MID1: variants seen among roughly 807,000 people sequenced by gnomAD.
MID1 encodes the protein E3 ubiquitin-protein ligase Midline-1.
A neutral mutation model predicts 40.4 loss-of-function variants in MID1; 7 were observed. That is an observed-to-expected ratio of 0.17 (90% CI 0.10 to 0.33). MID1 has a LOEUF of 0.33. Among genes scored for constraint, MID1 ranks in the 10% least tolerant of loss-of-function variants. The pLI is 1.00. For missense variants in MID1, 367 were observed against 558.5 expected (o/e 0.66, Z 3.46); for synonymous variants, 229 against 221.2 (o/e 1.04, Z -0.31).
chrX:10,698,976 C>T (rs781508120), intron 1 of MID1, among the ~76,000 whole-genome samples: 8 of 111,716 alleles, frequency 7.2e-5, no homozygotes, highest in African/African-American at 2.6e-4. Flanking sequence ...CAATGTACTG[C>T]CCCTAGCAGC....
At chrX:10,586,261 T>C (rs1206394754) in intron 1 of MID1, among the ~76,000 whole-genome samples, 1 of 111,608 alleles carries the variant, frequency 9.0e-6, no homozygotes, top group Non-Finnish European at 1.9e-5. Context: ...ACTGTACAAG[T>C]CCAAATTTTA....
intron 3 of MID1, among the ~76,000 whole-genome samples, chrX:10,515,987 C>G (rs906829386): frequency 5.4e-5 from 6 of 111,562 alleles, no homozygotes; most frequent in African/African-American, 2.0e-4. Context: ...TTAAGTTCTA[C>G]AGGTGACCCA....
chrX:10,701,285 T>C (rs1052198488), intron 1 of MID1, among the ~76,000 whole-genome samples: 1 of 111,905 alleles, frequency 8.9e-6, no homozygotes, highest in African/African-American at 3.2e-5. Context: ...ATAGGACCCA[T>C]GAAGATGTGC....
At chrX:10,594,302 G>A (rs1935370901) in intron 1 of MID1, among the ~76,000 whole-genome samples, 1 of 111,520 alleles carries the variant, frequency 9.0e-6, no homozygotes, top group South Asian at 3.8e-4. Context: ...CCTTATTTTT[G>A]TTCGCTTTGT....
Position 10,471,053 on chromosome X carries a change from AGTGT to A in MID1, c.1142-1217_1142-1214del, listed in dbSNP as rs749927365. Among the ~76,000 whole-genome samples, 80 of 111,866 alleles carry A rather than the reference AGTGT, an allele frequency of 7.2e-4. 1 individual carries two copies. Among genetic ancestry groups the A allele is most frequent in the African/African-American group, 2.4e-3 (73 of 30,857 alleles). Reference sequence around the variant, plus strand: ...TGGCCATATGGACTGCAAAGCCTAAAGTGTCTACTATCTGGTGGTTTGCAGTCAA... The same window carrying A: ...TGGCCATATGGACTGCAAAGCCTAAACTACTATCTGGTGGTTTGCAGTCAA... On this transcript the variant is annotated intron_variant, in intron 6 of 9. Coordinates refer to ENST00000317552, the MANE Select transcript of MID1 (RefSeq NM_000381.4).
intron 1 of MID1, among the ~76,000 whole-genome samples, chrX:10,704,554 T>G (rs2043212944): frequency 9.2e-6 from 1 of 108,443 alleles, no homozygotes; most frequent in Admixed American, 1.0e-4. Flanking sequence ...CAAAACTCCA[T>G]CGAGCTGGTA....
intron 1 of MID1, among the ~76,000 whole-genome samples, chrX:10,606,017 A>G (rs778411905): frequency 1.8e-5 from 2 of 111,989 alleles, no homozygotes; most frequent in South Asian, 3.7e-4. Context: ...TGTCAGAGCC[A>G]TAGATAACAG....
chrX:10,765,932 GGAAAGGAAAGGAAAGAAA>G (rs1182951130), intron 1 of MID1, among the ~76,000 whole-genome samples: 68 of 70,833 alleles, frequency 9.6e-4, no homozygotes, highest in African/African-American at 4.1e-3. Context: ...AGAAAGGAAA[GGAAAGGAAAGGAAAGAAA>G]GAAAGAAAGA....
At position 10,590,027 on chromosome X, in the gene MID1, T is replaced by A. The variant is rs7054349; in HGVS notation, c.-56-22424A>T. The A allele has an allele frequency of 2.7e-5, 3 of 110,615 alleles. No homozygotes were observed. The Admixed American group carries it at 2.9e-4, about 11-fold the overall frequency. The allele number at this position is 110,615 out of a possible 1,213,427, so 9.1% of individuals were successfully genotyped here. A position where few individuals can be genotyped will look rare whatever the true frequency, so the allele number is the denominator to read the frequency against. On this transcript the variant is annotated intron_variant, in intron 1 of 9. Transcript: ENST00000317552. The stretch of plus-strand genomic sequence containing the variant: ...CTAAGGGGGGTCCACGTAAGAGGGT[T>A]GTGATCGATTGAGCAAGCAGGGGGT...
intron 2 of MID1, among the ~76,000 whole-genome samples, chrX:10,555,990 G>A (rs769599582): frequency 4.6e-5 from 5 of 109,145 alleles, no homozygotes; most frequent in South Asian, 4.0e-4. Flanking sequence ...AGCCCCAGTC[G>A]ATACCGAAGT....
chrX:10,507,059 T>C (rs1173459470), intron 3 of MID1, among the ~76,000 whole-genome samples: 1 of 112,143 alleles, frequency 8.9e-6, no homozygotes, highest in African/African-American at 3.2e-5. Flanking sequence ...GGAACAATGG[T>C]TTGAGAACTT....
intron 2 of MID1, among the ~76,000 whole-genome samples, chrX:10,530,498 A>G (rs1932932661): frequency 8.9e-6 from 1 of 112,817 alleles, no homozygotes; most frequent in Non-Finnish European, 1.9e-5. Context: ...TGTTGCTTAA[A>G]GAATGAGGCT....
At chrX:10,580,349 T>A (rs1213878779) in intron 1 of MID1, among the ~76,000 whole-genome samples, 1 of 111,392 alleles carries the variant, frequency 9.0e-6, no homozygotes, top group Non-Finnish European at 1.9e-5. Context: ...GAAAAACAAT[T>A]TTCTCTCCAT....
intron 1 of MID1, among the ~76,000 whole-genome samples, chrX:10,809,595 G>T: frequency 9.0e-6 from 1 of 111,545 alleles, no homozygotes; most frequent in Non-Finnish European, 1.9e-5. Flanking sequence ...ATACTATGCA[G>T]CCATAAAAAA....
intron 1 of MID1, among the ~76,000 whole-genome samples, chrX:10,743,340 A>G (rs2043537532): frequency 8.9e-6 from 1 of 112,448 alleles, no homozygotes; most frequent in African/African-American, 3.2e-5. Context: ...GGGAAAACAC[A>G]TTGGCCAAAG....
intron 1 of MID1, among the ~76,000 whole-genome samples, chrX:10,811,781 C>A (rs2044103721): frequency 1.8e-5 from 2 of 111,616 alleles, no homozygotes; most frequent in African/African-American, 6.5e-5. Context: ...TAGGACTGAT[C>A]TGTGATGAAA....
chrX:10,724,583 T>C (rs1215102548), intron 1 of MID1, among the ~76,000 whole-genome samples: 1 of 112,266 alleles, frequency 8.9e-6, no homozygotes, highest in Non-Finnish European at 1.9e-5. Context: ...GGCAAGATCT[T>C]TCCCAACCGG....
intron 1 of MID1, among the ~76,000 whole-genome samples, chrX:10,656,084 C>T (rs1247265288): frequency 8.9e-6 from 1 of 112,496 alleles, no homozygotes; most frequent in Non-Finnish European, 1.9e-5. Context: ...ACTACACACA[C>T]TTTATATTTT....
At chrX:10,638,731 G>C (rs963447101) in intron 1 of MID1, among the ~76,000 whole-genome samples, 5 of 112,321 alleles carry the variant, frequency 4.5e-5, no homozygotes, top group Non-Finnish European at 7.5e-5. Context: ...TGACCCCCAA[G>C]TAGCCTAACT....
Sources: gnomAD v4.1 joint callset for allele counts (sites outside exome capture counted in the v4.1 genomes callset) on GRCh38, gnomAD v4.1.1 for gene constraint, MANE v1.5 for transcripts, NCBI Gene and HGNC (gene_info 2026-07-23, HGNC 2026-07-21) for gene names.